Variants in SMYD3 observed in about 807,000 individuals in gnomAD.
The protein encoded by SMYD3 is histone-lysine N-methyltransferase SMYD3.
Under a neutral mutation model 57.7 loss-of-function variants are expected in SMYD3, and 36 were observed. The observed-to-expected ratio is 0.62, with a 90% CI of 0.48 to 0.82. The LOEUF is 0.82. Ranked by LOEUF, SMYD3 falls within the 40% of genes least tolerant of loss-of-function variation. SMYD3 has a pLI of 0.00. For missense variants in SMYD3, 515 were observed against 538.8 expected (o/e 0.96, Z 0.44); for synonymous variants, 211 against 195.0 (o/e 1.08, Z -0.68).
At chr1:245,780,810 C>T (rs549544348) in intron 10 of SMYD3, among the ~76,000 whole-genome samples, 2 of 152,256 alleles carry the variant, frequency 1.3e-5, no homozygotes, top group East Asian at 1.9e-4. Context: ...TGAATGTTTA[C>T]AGCAGCATTA....
At chr1:246,257,578 C>T (rs1014794161) in intron 5 of SMYD3, among the ~76,000 whole-genome samples, 4 of 152,182 alleles carry the variant, frequency 2.6e-5, no homozygotes, top group Non-Finnish European at 5.9e-5. Context: ...ATCAAACTTG[C>T]TACTCTGTGC....
At chr1:245,789,865 C>T (rs1264756590) in intron 10 of SMYD3, among the ~76,000 whole-genome samples, 2 of 152,234 alleles carry the variant, frequency 1.3e-5, no homozygotes, top group African/African-American at 2.4e-5. Context: ...TCTGGTGTTG[C>T]ATCCACCTTT....
intron 5 of SMYD3, among the ~76,000 whole-genome samples, chr1:246,099,443 C>G (rs1014027279): frequency 6.6e-6 from 1 of 152,040 alleles, no homozygotes; most frequent in African/African-American, 2.4e-5. Context: ...TCACCAATAT[C>G]CCGAACAATC....
At chr1:246,272,111 G>A (rs1438792138) in intron 5 of SMYD3, among the ~76,000 whole-genome samples, 4 of 152,100 alleles carry the variant, frequency 2.6e-5, no homozygotes, top group Non-Finnish European at 5.9e-5. Context: ...AAAATGCAAC[G>A]GATTTTTGTG....
intron 10 of SMYD3, among the ~76,000 whole-genome samples, chr1:245,794,267 A>T (rs947199898): frequency 6.6e-6 from 1 of 152,218 alleles, no homozygotes; most frequent in Non-Finnish European, 1.5e-5. Context: ...CATTCTTTTT[A>T]AAAAATTATT....
At chr1:245,828,917 G>C (rs915832345) in intron 10 of SMYD3, among the ~76,000 whole-genome samples, 2 of 151,924 alleles carry the variant, frequency 1.3e-5, no homozygotes, top group African/African-American at 4.8e-5. Flanking sequence ...TGGCCAGGCT[G>C]GTCTCGAACT....
In SMYD3 at chr1:245,750,637, G is replaced by T. The variant is rs564799017; in HGVS notation, c.1186-973C>A. ...TCCATTCAGTTTTGGGATGGTTATG[G>T]AACAACAAACAACCAGAGTATCCTT... is the stretch of plus-strand genomic sequence containing the variant. On this transcript the variant is annotated intron_variant, in intron 11 of 11. Transcript: ENST00000490107. Among the ~76,000 whole-genome samples, 10 of 130,848 alleles carry T rather than the reference G, an allele frequency of 7.6e-5. No individual in the cohort carries two copies. The South Asian group carries it at 2.5e-3, about 33-fold the overall frequency. 85.8% of individuals were successfully genotyped at this position (130,848 alleles called of 152,430 possible). A position where few individuals can be genotyped will look rare whatever the true frequency, so the allele number is the denominator to read the frequency against.
At chr1:245,823,331 A>C (rs1005043472) in intron 10 of SMYD3, among the ~76,000 whole-genome samples, 1 of 126,314 alleles carries the variant, frequency 7.9e-6, no homozygotes, top group Non-Finnish European at 1.8e-5. Context: ...GCACACACAC[A>C]CGCGCGCTCG....
chr1:246,212,778 T>G (rs1028574136), intron 5 of SMYD3, among the ~76,000 whole-genome samples: 1 of 152,176 alleles, frequency 6.6e-6, no homozygotes, highest in Non-Finnish European at 1.5e-5. Context: ...TAAATTTGGT[T>G]AATATTTTCC....
At chr1:246,504,601 A>T (rs1361847419) in intron 1 of SMYD3, among the ~76,000 whole-genome samples, 1 of 152,174 alleles carries the variant, frequency 6.6e-6, no homozygotes, top group Non-Finnish European at 1.5e-5. Flanking sequence ...CTGTTTTTTT[A>T]ATTCTATTTT....
At chr1:246,413,817 C>A (rs1211126393) in intron 1 of SMYD3, among the ~76,000 whole-genome samples, 1 of 152,168 alleles carries the variant, frequency 6.6e-6, no homozygotes, top group Non-Finnish European at 1.5e-5. Flanking sequence ...AACCTCTTAT[C>A]TTTATAAATT....
chr1:245,872,068 G>A (rs1036246589), intron 8 of SMYD3, among the ~76,000 whole-genome samples: 9 of 152,160 alleles, frequency 5.9e-5, no homozygotes, highest in African/African-American at 2.2e-4. Context: ...GACATCCACA[G>A]GCACAATCCC....
intron 5 of SMYD3, among the ~76,000 whole-genome samples, chr1:246,255,772 AT>A (rs34095220): frequency 0.34 from 46,372 of 135,504 alleles, 7,912 homozygotes; most frequent in Middle Eastern, 0.55. Flanking sequence ...TGTCTGGGGC[AT>A]TTTTTTTTTT....
chr1:246,419,495 G>T (rs1462220777), intron 1 of SMYD3, among the ~76,000 whole-genome samples: 1 of 152,130 alleles, frequency 6.6e-6, no homozygotes, highest in East Asian at 1.9e-4. Context: ...GGTAGACCAG[G>T]GTAGTCTTGG....
intron 10 of SMYD3, among the ~76,000 whole-genome samples, chr1:245,815,175 G>A (rs1357979922): frequency 6.6e-6 from 1 of 152,168 alleles, no homozygotes; most frequent in African/African-American, 2.4e-5. Flanking sequence ...CATGGCCCCA[G>A]CATTGTTTCT....
intron 5 of SMYD3, among the ~76,000 whole-genome samples, chr1:246,102,331 G>A (rs890572859): frequency 6.6e-6 from 1 of 152,062 alleles, no homozygotes; most frequent in African/African-American, 2.4e-5. Flanking sequence ...CTGAACCACT[G>A]CACCGTCTCT....
chr1:246,384,625 C>G (rs1019045850), intron 1 of SMYD3, among the ~76,000 whole-genome samples: 8 of 152,238 alleles, frequency 5.3e-5, no homozygotes, highest in South Asian at 2.1e-4. Flanking sequence ...TCAAACTCCT[C>G]ACCTCAAGTG....
In SMYD3 at chr1:246,507,251, C is replaced by A. The variant is rs764904427; in HGVS notation, c.-34G>T. ...AGCTCCGGCACCTCAGACGGCTACCCGCGTCCAGCAGCGGGCGTCTCACGG... is the reference window on the plus strand; with the variant it reads ...AGCTCCGGCACCTCAGACGGCTACCAGCGTCCAGCAGCGGGCGTCTCACGG... On this transcript the variant is annotated 5_prime_UTR_variant, in exon 1 of 12. Transcript: ENST00000490107. The A allele has an allele frequency of 1.0e-5, 15 of 1,468,340 alleles. No homozygotes were observed. The highest frequency in any genetic ancestry group is 5.3e-5 in the South Asian group (4 of 75,752). The allele number at this position is 1,468,340 out of a possible 1,614,324, so 91.0% of individuals were successfully genotyped here.
intron 10 of SMYD3, among the ~76,000 whole-genome samples, chr1:245,810,954 T>C (rs138416435): frequency 2.0e-5 from 3 of 152,324 alleles, no homozygotes; most frequent in East Asian, 3.9e-4. Flanking sequence ...TCACATACTC[T>C]GGACAAAATC....
Sources: allele counts gnomAD v4.1 joint callset (sites outside exome capture counted in the v4.1 genomes callset), GRCh38; gene constraint gnomAD v4.1.1; transcripts MANE v1.5; gene names NCBI Gene and HGNC (gene_info 2026-07-23, HGNC 2026-07-21).